CSMD1: variants seen among roughly 807,000 people sequenced by gnomAD.
CSMD1 encodes CUB and Sushi multiple domains 1, also known as CUB and sushi domain-containing protein 1.
A neutral mutation model predicts 417.5 loss-of-function variants in CSMD1; 213 were observed. The observed-to-expected ratio is 0.51, with a 90% CI of 0.46 to 0.57. The LOEUF is 0.57. Ranked by LOEUF, CSMD1 falls within the 20% of genes least tolerant of loss-of-function variation. The pLI is 0.00. For missense variants in CSMD1, 6,923 were observed against 4,529.7 expected (o/e 1.53, Z -15.17); for synonymous variants, 2,862 against 1,736.8 (o/e 1.65, Z -16.11).
chr8:2,973,346 G>C (rs369317939), intron 56 of CSMD1, 47 bp from the exon 57 acceptor site: 1 of 1,567,422 alleles, frequency 6.4e-7, no homozygotes, highest in Middle Eastern at 1.7e-4. Flanking sequence ...TGTTAGACTT[G>C]TTTTAAGCAG....
At chr8:4,759,513 G>A (rs1470656059) in intron 1 of CSMD1, among the ~76,000 whole-genome samples, 1 of 152,118 alleles carries the variant, frequency 6.6e-6, no homozygotes, top group Non-Finnish European at 1.5e-5. Flanking sequence ...CATCACCTAG[G>A]TATTAAGCCC....
chr8:4,333,536 A>G (rs1407439661), intron 3 of CSMD1, among the ~76,000 whole-genome samples: 1 of 152,168 alleles, frequency 6.6e-6, no homozygotes, highest in Non-Finnish European at 1.5e-5. Flanking sequence ...TTAAACAGTG[A>G]AATCATCAGG....
chr8:3,296,039 C>G (rs1803940271), intron 25 of CSMD1, among the ~76,000 whole-genome samples: 1 of 151,808 alleles, frequency 6.6e-6, no homozygotes, highest in Admixed American at 6.6e-5. Context: ...GACAGGCAGT[C>G]CACAGCACCC....
intron 5 of CSMD1, among the ~76,000 whole-genome samples, chr8:3,892,021 CA>C (rs1372477733): frequency 3.9e-5 from 1 of 25,608 alleles, no homozygotes; most frequent in Non-Finnish European, 8.8e-5. Context: ...ATGATAGTCG[CA>C]AACAAAAAAA....
At chr8:3,987,956 A>T (rs1003762656) in intron 5 of CSMD1, among the ~76,000 whole-genome samples, 1 of 152,214 alleles carries the variant, frequency 6.6e-6, no homozygotes, top group African/African-American at 2.4e-5. Context: ...GAAATCCACA[A>T]CAAAGGAAAC....
At chr8:3,574,786 C>T (rs1315775115) in intron 10 of CSMD1, among the ~76,000 whole-genome samples, 159 bp downstream of exon 10, 1 of 152,216 alleles carries the variant, frequency 6.6e-6, no homozygotes, top group Non-Finnish European at 1.5e-5. Context: ...GACTGCTCTG[C>T]AATGAATGTG....
chr8:4,908,110 T>C (rs1049932766), intron 1 of CSMD1, among the ~76,000 whole-genome samples: 4 of 152,226 alleles, frequency 2.6e-5, no homozygotes, highest in African/African-American at 9.6e-5. Flanking sequence ...CCTTCACTTT[T>C]GCAGTATAAT....
intron 1 of CSMD1, among the ~76,000 whole-genome samples, chr8:4,828,926 T>C (rs922824043): frequency 1.3e-5 from 2 of 152,190 alleles, no homozygotes; most frequent in African/African-American, 4.8e-5. Flanking sequence ...TAAAGGTTAA[T>C]TAACCATCCC....
At chr8:4,598,700 T>C (rs11777963) in intron 2 of CSMD1, among the ~76,000 whole-genome samples, 73,119 of 152,060 alleles carry the variant, frequency 0.48, 19,245 homozygotes, top group Non-Finnish European at 0.59. Context: ...ACAATAAGCA[T>C]TAATTAGTGC....
chr8:4,301,535 G>C (rs1371388846), intron 3 of CSMD1, among the ~76,000 whole-genome samples: 2 of 152,120 alleles, frequency 1.3e-5, no homozygotes, highest in Non-Finnish European at 2.9e-5. Context: ...GCTGATCTGG[G>C]TGCAATGTTT....
intron 1 of CSMD1, among the ~76,000 whole-genome samples, chr8:4,675,545 T>C (rs1805626332): frequency 6.6e-6 from 1 of 152,138 alleles, no homozygotes; most frequent in South Asian, 2.1e-4. Flanking sequence ...GAGAATGGTT[T>C]GATATTTCAA....
chr8:4,462,078 T>C (rs1799869590), intron 2 of CSMD1, among the ~76,000 whole-genome samples: 1 of 151,542 alleles, frequency 6.6e-6, no homozygotes, highest in Non-Finnish European at 1.5e-5. Context: ...TCTCACTGTG[T>C]TGCACAGGCT....
At chr8:3,002,726 C>T (rs1807519871) in intron 52 of CSMD1, among the ~76,000 whole-genome samples, 2 of 152,154 alleles carry the variant, frequency 1.3e-5, no homozygotes, top group Admixed American at 1.3e-4. Flanking sequence ...TCTTTGGGAA[C>T]CTGGCAAACA....
At position 3,161,454 on chromosome 8, in the gene CSMD1, T is replaced by C. The variant is rs576870195; in HGVS notation, c.5844+705A>G. ...CAACATGGTGAAACCCCATCTCTAC[T>C]AAAAATACAAAAAGTAGCCGGGTGT... On this transcript the variant is annotated intron_variant, in intron 38 of 69. Coordinates refer to ENST00000635120, the MANE Select transcript of CSMD1 (RefSeq NM_033225.6). Among the ~76,000 whole-genome samples the C allele has an allele frequency of 5.3e-5, 8 of 151,876 alleles. No homozygotes were observed. The South Asian group carries it at 1.7e-3, about 32-fold the overall frequency.
At chr8:3,581,027 G>A (rs1170134086) in intron 9 of CSMD1, among the ~76,000 whole-genome samples, 1 of 152,114 alleles carries the variant, frequency 6.6e-6, no homozygotes, top group Admixed American at 6.5e-5. Context: ...AGTTACAACT[G>A]GCAATAATAC....
intron 3 of CSMD1, among the ~76,000 whole-genome samples, chr8:4,398,710 G>C (rs1041989874): frequency 5.3e-5 from 8 of 152,014 alleles, no homozygotes; most frequent in African/African-American, 1.2e-4. Flanking sequence ...GCAACATTTA[G>C]CTACAGCTTT....
Position 3,116,578 on chromosome 8 carries a change from G to A in CSMD1, c.6430+1821C>T, listed in dbSNP as rs552914102. 9.9e-5 allele frequency among the ~76,000 whole-genome samples: 15 copies of A among 152,254 alleles called. No individual in the cohort carries two copies. In the East Asian group the frequency reaches 1.9e-3, roughly 20 times the overall value. The stretch of plus-strand genomic sequence containing the variant: ...CAGAGTTTAGCTAATTCTAGATGGT[G>A]TTATATACCATGTTAGAATTAGGAA... On this transcript the variant is annotated intron_variant, in intron 42 of 69. Transcript: ENST00000635120.
chr8:4,239,859 G>C (rs1351198958), intron 3 of CSMD1, among the ~76,000 whole-genome samples: 1 of 152,146 alleles, frequency 6.6e-6, no homozygotes, highest in East Asian at 1.9e-4. Context: ...GGAATATAGT[G>C]AAAAACAAAG....
chr8:4,327,723 C>T (rs1341277199), intron 3 of CSMD1, among the ~76,000 whole-genome samples: 1 of 152,202 alleles, frequency 6.6e-6, no homozygotes, highest in Non-Finnish European at 1.5e-5. Context: ...AAATGAATAA[C>T]AAGAGACCTA....
Sources: allele counts gnomAD v4.1 joint callset (sites outside exome capture counted in the v4.1 genomes callset), GRCh38; gene constraint gnomAD v4.1.1; transcripts MANE v1.5; gene names NCBI Gene and HGNC (gene_info 2026-07-23, HGNC 2026-07-21).